Variants in CPS1 observed in about 807,000 individuals in gnomAD.
The protein encoded by CPS1 is carbamoyl-phosphate synthase [ammonia], mitochondrial.
CPS1 carries 109 observed loss-of-function variants against 174.6 expected under a neutral mutation model. The observed-to-expected ratio is 0.62, with a 90% CI of 0.53 to 0.73. CPS1 has a LOEUF of 0.73. Among genes scored for constraint, CPS1 ranks in the 30% least tolerant of loss-of-function variants. The pLI, the probability that CPS1 is intolerant of heterozygous loss-of-function variation, is 0.00. For missense variants in CPS1, 1,689 were observed against 1,821.9 expected (o/e 0.93, Z 1.33); for synonymous variants, 637 against 632.0 (o/e 1.01, Z -0.12).
intron 34 of CPS1, chr2:210,674,106 A>C (rs1701420146): frequency 6.6e-6 from 1 of 152,184 alleles, no homozygotes; most frequent in Admixed American, 6.5e-5. Context: ...GAGTTATTGC[A>C]GGGACTAGTG....
rs1306793438 is a variant in CPS1 at position 210,546,860 on chromosome 2, C to T, written c.4-9859C>T. On this transcript the variant is annotated intron_variant, in intron 1 of 38. Coordinates refer to the CPS1 transcript ENST00000430249. ...GATTCATTTCTTATCTACACCCCTT[C>T]TTTCACATCCTAAATATTTTCTTTG... 2.6e-5 allele frequency among the ~76,000 whole-genome samples: 4 copies of T among 152,114 alleles called. 1 individual carries two copies. Among genetic ancestry groups the T allele is most frequent in the Admixed American group, 1.3e-4 (2 of 15,258 alleles).
intron 1 of CPS1, among the ~76,000 whole-genome samples, chr2:210,533,277 C>T (rs950236429): frequency 1.3e-5 from 2 of 152,094 alleles, no homozygotes; most frequent in Non-Finnish European, 2.9e-5. Flanking sequence ...ATTGAAATCC[C>T]ATGAATAGAG....
chr2:210,480,807 TC>T (rs1203389680), intron 1 of CPS1, among the ~76,000 whole-genome samples: 3 of 152,210 alleles, frequency 2.0e-5, no homozygotes, highest in African/African-American at 7.2e-5. Flanking sequence ...AGCAAGAGCA[TC>T]TAAGCTTGAG....
chr2:210,610,869 C>G (rs1341585740), intron 19 of CPS1, among the ~76,000 whole-genome samples: 3 of 150,898 alleles, frequency 2.0e-5, no homozygotes, highest in Non-Finnish European at 4.4e-5. Context: ...ATCCCATGTA[C>G]CATTATATAG....
chr2:210,651,292 C>G (rs1313991265), intron 28 of CPS1, among the ~76,000 whole-genome samples: 2 of 152,064 alleles, frequency 1.3e-5, no homozygotes, highest in African/African-American at 2.4e-5. Flanking sequence ...CGCTGGATCG[C>G]TCTTCTGTGT....
chr2:210,614,189 C>T (rs1699226584), intron 20 of CPS1, among the ~76,000 whole-genome samples: 1 of 151,758 alleles, frequency 6.6e-6, no homozygotes, highest in African/African-American at 2.4e-5. Flanking sequence ...GACTTCATTA[C>T]AGTGATGTTA....
At chr2:210,582,806 G>T in intron 6 of CPS1, 97 bp downstream of exon 6, 1 of 956,764 alleles carries the variant, frequency 1.0e-6, no homozygotes, top group Admixed American at 1.8e-5. Context: ...TTATCTTCCA[G>T]AAGCACCAGT....
intron 1 of CPS1, among the ~76,000 whole-genome samples, chr2:210,480,165 C>T (rs1171672235): frequency 6.6e-6 from 1 of 152,158 alleles, no homozygotes; most frequent in Non-Finnish European, 1.5e-5. Flanking sequence ...GAGTGTGATG[C>T]TCTCATCAAG....
chr2:210,667,172 G>C (rs950255025), intron 33 of CPS1, among the ~76,000 whole-genome samples: 20 of 152,144 alleles, frequency 1.3e-4, no homozygotes, highest in Non-Finnish European at 2.5e-4. Flanking sequence ...TTTGTACATT[G>C]ATTTTGTATC....
intron 33 of CPS1, among the ~76,000 whole-genome samples, chr2:210,667,722 T>TA (rs1391542481): frequency 6.6e-6 from 1 of 152,190 alleles, no homozygotes; most frequent in African/African-American, 2.4e-5. Flanking sequence ...ATTCAGCAGT[T>TA]ACGCATTTCT....
At chr2:210,658,802 T>G in intron 31 of CPS1, 114 bp downstream of exon 31, 1 of 761,514 alleles carries the variant, frequency 1.3e-6, no homozygotes, top group South Asian at 1.4e-5. Context: ...CTGAGACCCC[T>G]GGATCTGTTT....
chr2:210,591,479 G>A (rs1698295168), intron 9 of CPS1, among the ~76,000 whole-genome samples: 1 of 151,768 alleles, frequency 6.6e-6, no homozygotes, highest in Admixed American at 6.6e-5. Flanking sequence ...ATAACTCTCG[G>A]GCTTTAAAAT....
In CPS1 at chr2:210,616,832, C is replaced by T. The variant is rs563405408; in HGVS notation, c.2687+291C>T. ...CACAAAATTGGTATACATTGATGAA[C>T]GTGTATTATTTAATTATGAAGTATT... On this transcript the variant is annotated intron_variant, in intron 21 of 37. Coordinates refer to ENST00000233072, the MANE Select transcript of CPS1 (RefSeq NM_001875.5). Among the ~76,000 whole-genome samples the T allele has an allele frequency of 1.5e-4, 22 of 151,688 alleles. No homozygotes were observed. In the South Asian group the frequency reaches 3.5e-3, roughly 24 times the overall value.
chr2:210,576,137 C>T (rs572041969), intron 2 of CPS1, among the ~76,000 whole-genome samples: 8 of 152,142 alleles, frequency 5.3e-5, no homozygotes, highest in African/African-American at 1.9e-4. Flanking sequence ...CCTTGGTACT[C>T]ACGAGTTGGT....
chr2:210,592,274 G>T (rs1373732308), intron 10 of CPS1, among the ~76,000 whole-genome samples: 5 of 151,942 alleles, frequency 3.3e-5, no homozygotes, highest in Non-Finnish European at 7.4e-5. Flanking sequence ...GTTTGTTTGT[G>T]ATTTTTTTGG....
intron 1 of CPS1, among the ~76,000 whole-genome samples, chr2:210,550,087 A>C (rs1450607702): frequency 6.6e-6 from 1 of 152,032 alleles, no homozygotes; most frequent in Non-Finnish European, 1.5e-5. Flanking sequence ...TTTTATTATT[A>C]GGTGGATTAC....
At position 210,608,490 on chromosome 2, in the gene CPS1, C is replaced by G. The variant is rs1445208216; in HGVS notation, c.2322C>G (p.Pro774=). Residue 774 remains proline, a synonymous_variant, in exon 19 of 38, where the codon CCC becomes CCG. Transcript: ENST00000233072. ...TGGATTACATGGTCACCAAGATTCCCCGCTGGGATCTTGACCGTTTTCATG... is the reference window on the plus strand; with the variant it reads ...TGGATTACATGGTCACCAAGATTCCGCGCTGGGATCTTGACCGTTTTCATG... ...PSLDYMVTKI[P]RWDLDRFHGT... 6.3e-5 allele frequency: 102 copies of G among 1,612,288 alleles called. No individual in the cohort carries two copies. The highest frequency in any genetic ancestry group is 8.3e-5 in the Non-Finnish European group (98 of 1,178,900).
intron 21 of CPS1, among the ~76,000 whole-genome samples, chr2:210,621,033 C>T (rs1699506179): frequency 6.6e-6 from 1 of 152,032 alleles, no homozygotes; most frequent in Non-Finnish European, 1.5e-5. Flanking sequence ...TAGGTAATAA[C>T]CATTATTTAG....
At chr2:210,614,035 A>G (rs1365828379) in intron 20 of CPS1, among the ~76,000 whole-genome samples, 2 of 151,936 alleles carry the variant, frequency 1.3e-5, no homozygotes, top group Admixed American at 6.6e-5. Flanking sequence ...AGAAAGAGCA[A>G]CTTGCTCTGA....
Sources: allele counts gnomAD v4.1 joint callset (sites outside exome capture counted in the v4.1 genomes callset), GRCh38; gene constraint gnomAD v4.1.1; transcripts MANE v1.5; gene names NCBI Gene and HGNC (gene_info 2026-07-23, HGNC 2026-07-21).